Variants in HLCS observed in about 807,000 individuals in gnomAD.
HLCS encodes the protein biotin--protein ligase.
In HLCS, 53 loss-of-function variants were observed where a neutral mutation model predicts 75.0. The ratio of observed to expected loss-of-function variants is 0.71; its 90% confidence interval spans 0.57 to 0.89. The LOEUF is 0.89. HLCS is among the 40% of genes least tolerant of loss of function. The pLI, the probability that HLCS is intolerant of heterozygous loss-of-function variation, is 0.00. For missense variants in HLCS, 966 were observed against 1,074.0 expected (o/e 0.90, Z 1.41); for synonymous variants, 431 against 428.6 (o/e 1.01, Z -0.07).
At chr21:36,840,030 T>C (rs1317786556) in intron 6 of HLCS, among the ~76,000 whole-genome samples, 1 of 152,212 alleles carries the variant, frequency 6.6e-6, no homozygotes, top group African/African-American at 2.4e-5. Flanking sequence ...TAATCTTCAC[T>C]ATGGCTCCAT....
intron 1 of HLCS, among the ~76,000 whole-genome samples, chr21:36,981,579 T>C (rs2146740507): frequency 6.6e-6 from 1 of 152,140 alleles, no homozygotes; most frequent in South Asian, 2.1e-4. Flanking sequence ...TTTGTATTTT[T>C]AGTAGAGACA....
chr21:36,904,629 C>T (rs894710935), intron 5 of HLCS, among the ~76,000 whole-genome samples: 2 of 152,068 alleles, frequency 1.3e-5, no homozygotes, highest in Admixed American at 6.5e-5. Flanking sequence ...TAGCCTCCCC[C>T]AAAACTTTCT....
At chr21:36,870,853 G>C (rs142546716) in intron 6 of HLCS, among the ~76,000 whole-genome samples, 234 of 152,270 alleles carry the variant, frequency 1.5e-3, no homozygotes, top group African/African-American at 5.4e-3. Context: ...GAAGGGTTTG[G>C]AAAATGGCAT....
chr21:36,765,378 CATA>C (rs1373422284), intron 7 of HLCS, among the ~76,000 whole-genome samples: 1 of 152,236 alleles, frequency 6.6e-6, no homozygotes, highest in Admixed American at 6.5e-5. Flanking sequence ...CAATAATTAG[CATA>C]ATGTTCTGCT....
At chr21:36,874,866 C>A (rs7277631) in intron 6 of HLCS, among the ~76,000 whole-genome samples, 27,868 of 152,002 alleles carry the variant, frequency 0.18, 2,735 homozygotes, top group Middle Eastern at 0.29. Flanking sequence ...CCTGCACTCT[C>A]GGGGGTCCAG....
chr21:36,794,559 G>T (rs9647072), intron 6 of HLCS, among the ~76,000 whole-genome samples: 20,598 of 152,150 alleles, frequency 0.14, 1,739 homozygotes, highest in Non-Finnish European at 0.18. Context: ...AGGAATAAGG[G>T]TTATGCTGGT....
At chr21:36,774,995 C>A (rs527754682) in intron 6 of HLCS, among the ~76,000 whole-genome samples, 88 of 152,312 alleles carry the variant, frequency 5.8e-4, no homozygotes, top group African/African-American at 2.0e-3. Context: ...TAAATCATAT[C>A]CCCTTTCCGC....
chr21:36,837,164 C>T (rs2062443141), intron 6 of HLCS, among the ~76,000 whole-genome samples: 1 of 152,180 alleles, frequency 6.6e-6, no homozygotes, highest in Non-Finnish European at 1.5e-5. Context: ...GCCTGGGCAA[C>T]AGAGCAAGAG....
chr21:36,805,408 C>A (rs995612094), intron 6 of HLCS, among the ~76,000 whole-genome samples: 9 of 152,168 alleles, frequency 5.9e-5, no homozygotes, highest in African/African-American at 2.2e-4. Flanking sequence ...CGGCTCCGGG[C>A]GCTGTGTTTA....
chr21:36,843,611 T>A (rs1470372164), intron 6 of HLCS, among the ~76,000 whole-genome samples: 1 of 152,190 alleles, frequency 6.6e-6, no homozygotes, highest in Non-Finnish European at 1.5e-5. Context: ...CCTACTAATC[T>A]TAGTGAATTC....
At chr21:36,782,144 G>A (rs60796757) in intron 6 of HLCS, among the ~76,000 whole-genome samples, 11,977 of 152,108 alleles carry the variant, frequency 0.079, 560 homozygotes, top group African/African-American at 0.12. Context: ...GTCTTTAACA[G>A]ATTTAAGTAT....
chr21:36,962,053 A>G lies in HLCS; in HGVS notation c.313T>C (p.Ser105Pro), dbSNP rs1214415176. ...IWVQSENLQR[S>P]SSSETIVKWS... ...GTACTCACTGTTTCTGAAGAGGATG[A>G]TCTCTGTAAATTCTCACTTTGTACC... Residue 105 changes from serine to proline, a missense_variant, in exon 2 of 11, where the codon TCA becomes CCA. Physicochemically the swap from Ser to Pro is moderately conservative, Grantham distance 74. Transcript: ENST00000674895. 2.3e-6 allele frequency: 3 copies of G among 1,289,310 alleles called. No homozygotes were observed. The highest frequency in any genetic ancestry group is 2.0e-6 in the Non-Finnish European group (2 of 988,668). The allele number at this position is 1,289,310 out of a possible 1,614,324, so 79.9% of individuals were successfully genotyped here. A position where few individuals can be genotyped will look rare whatever the true frequency, so the allele number is the denominator to read the frequency against.
At chr21:36,977,957 G>A (rs888347495) in intron 1 of HLCS, among the ~76,000 whole-genome samples, 5 of 152,168 alleles carry the variant, frequency 3.3e-5, no homozygotes, top group Non-Finnish European at 7.3e-5. Flanking sequence ...AGCGCTCTTC[G>A]TGGGGAAACT....
At chr21:36,989,335 TTTTAA>T (rs1392495107) in intron 1 of HLCS, among the ~76,000 whole-genome samples, 2 of 136,730 alleles carry the variant, frequency 1.5e-5, no homozygotes, top group East Asian at 4.0e-4. Context: ...TTTTTTTTTT[TTTTAA>T]TGAGACGGAG....
At chr21:36,890,749 C>T (rs2064747690) in intron 6 of HLCS, among the ~76,000 whole-genome samples, 1 of 152,152 alleles carries the variant, frequency 6.6e-6, no homozygotes, top group Non-Finnish European at 1.5e-5. Context: ...TCCAAATCCT[C>T]CTAGATGTGT....
At chr21:36,947,758 AG>A in intron 2 of HLCS, 1 of 985,478 alleles carries the variant, frequency 1.0e-6, no homozygotes, top group Non-Finnish European at 1.2e-6. Flanking sequence ...GAAAGACCCC[AG>A]GTTAAACTAG....
rs778781151 is a variant in HLCS, at chr21:36,754,298, T to C, written c.2570A>G (p.Asp857Gly). ...EGGEVVTVHP[D>G]GNSFDMLRNL... is the part of the protein sequence containing the mutation. Reference sequence around the variant, plus strand: ...TCTCAGCATGTCGAAGGAGTTGCCGTCCGGGTGCACAGTCACAACCTCGCC... The same window carrying C: ...TCTCAGCATGTCGAAGGAGTTGCCGCCCGGGTGCACAGTCACAACCTCGCC... The change falls in exon 11 of 11, where the codon GAC becomes GGC. Residue 857 changes from aspartate (D) to glycine (G), a missense_variant. Physicochemically the swap from Asp to Gly is moderately conservative, Grantham distance 94. Coordinates refer to ENST00000674895, the MANE Select transcript of HLCS (RefSeq NM_001352514.2). The C allele has an allele frequency of 5.0e-6, 8 of 1,613,974 alleles. No individual in the cohort carries two copies.
intron 6 of HLCS, among the ~76,000 whole-genome samples, chr21:36,892,758 T>C (rs1048071485): frequency 1.3e-5 from 2 of 152,172 alleles, no homozygotes; most frequent in African/African-American, 4.8e-5. Context: ...TGGGGAATGG[T>C]AGACGGAGAA....
intron 6 of HLCS, among the ~76,000 whole-genome samples, chr21:36,789,584 C>A (rs2060797108): frequency 6.6e-6 from 1 of 152,066 alleles, no homozygotes; most frequent in Non-Finnish European, 1.5e-5. Context: ...TTTCCCTTTA[C>A]CATGGTTGGA....
Sources: gnomAD v4.1 joint callset for allele counts (sites outside exome capture counted in the v4.1 genomes callset) on GRCh38, gnomAD v4.1.1 for gene constraint, MANE v1.5 for transcripts, NCBI Gene and HGNC (gene_info 2026-07-23, HGNC 2026-07-21) for gene names.